WWOX: variants seen among roughly 807,000 people sequenced by gnomAD.
WWOX encodes WW domain containing oxidoreductase, also known as WW domain-containing oxidoreductase.
In WWOX, 69 loss-of-function variants were observed where a neutral mutation model predicts 46.2. The ratio of observed to expected loss-of-function variants is 1.49; its 90% CI spans 1.23 to 1.82. The LOEUF (loss-of-function observed/expected upper bound fraction) is 1.82, where lower values mean the gene tolerates loss of function less well. Among genes scored for constraint, WWOX ranks in the 40% most tolerant of loss-of-function variants. The pLI is 0.00. For missense variants in WWOX, 919 were observed against 542.6 expected, an observed-to-expected ratio of 1.69 and a Z score of -6.89; for synonymous variants, 359 against 202.6, an observed-to-expected ratio of 1.77 and a Z score of -6.56.
intron 8 of WWOX, among the ~76,000 whole-genome samples, chr16:78,595,772 A>T (rs1004356686): frequency 6.6e-6 from 1 of 152,208 alleles, no homozygotes; most frequent in African/African-American, 2.4e-5. Context: ...CCATCATCTC[A>T]AACCTTTATT....
intron 8 of WWOX, among the ~76,000 whole-genome samples, chr16:78,964,438 G>C (rs1208280083): frequency 6.6e-6 from 1 of 152,224 alleles, no homozygotes; most frequent in Non-Finnish European, 1.5e-5. Flanking sequence ...CTGCGCTAGA[G>C]ATTTGTGGAA....
rs995950025 is a variant in WWOX at position 79,005,948 on chromosome 16, G to T, written c.1057-205660G>T. ...CTGGGAGAAACCCATCCATACTCTG[G>T]TTACCCACTGGCCATTCCTGGGGAC... On this transcript the variant is annotated intron_variant, in intron 8 of 8. Coordinates refer to ENST00000566780, the MANE Select transcript of WWOX (RefSeq NM_016373.4). Among the ~76,000 whole-genome samples, 138 of 152,254 alleles carry T rather than the reference G, an allele frequency of 9.1e-4. 1 individual carries two copies. Among genetic ancestry groups the T allele is most frequent in the Admixed American group, 9.0e-3 (137 of 15,284 alleles).
intron 8 of WWOX, among the ~76,000 whole-genome samples, chr16:78,728,954 C>G (rs2048898826): frequency 1.3e-5 from 2 of 152,114 alleles, no homozygotes; most frequent in Non-Finnish European, 2.9e-5. Context: ...TTAGGATGGA[C>G]TTTATTTCCT....
At chr16:79,019,662 G>T (rs1005863149) in intron 8 of WWOX, among the ~76,000 whole-genome samples, 2 of 151,876 alleles carry the variant, frequency 1.3e-5, no homozygotes, top group Non-Finnish European at 2.9e-5. Context: ...GGATAAGCAA[G>T]GGAGACTCCA....
chr16:78,716,068 G>GA (rs112482262), intron 8 of WWOX, among the ~76,000 whole-genome samples: 15 of 148,514 alleles, frequency 1.0e-4, no homozygotes, highest in East Asian at 3.9e-4. Context: ...AAGGAAAGGG[G>GA]AAAAAAAAAA....
At chr16:78,376,307 G>A (rs185987844) in intron 5 of WWOX, among the ~76,000 whole-genome samples, 1 of 152,172 alleles carries the variant, frequency 6.6e-6, no homozygotes, top group Non-Finnish European at 1.5e-5. Flanking sequence ...TTTAATGAAT[G>A]ATTGAACATT....
At chr16:79,131,369 C>T (rs994196172) in intron 8 of WWOX, among the ~76,000 whole-genome samples, 1 of 152,014 alleles carries the variant, frequency 6.6e-6, no homozygotes, top group South Asian at 2.1e-4. Flanking sequence ...GCCTGAAAAG[C>T]AGGAGGCTTT....
chr16:78,363,587 C>G (rs1406896995), intron 5 of WWOX, among the ~76,000 whole-genome samples: 2 of 152,106 alleles, frequency 1.3e-5, no homozygotes, highest in African/African-American at 2.4e-5. Flanking sequence ...CCAGTTTTAA[C>G]TCAGAATGAT....
chr16:78,231,458 C>A (rs1286387404), intron 5 of WWOX, among the ~76,000 whole-genome samples: 1 of 152,158 alleles, frequency 6.6e-6, no homozygotes, highest in African/African-American at 2.4e-5. Context: ...TCTCAGGTGG[C>A]CATCGAAAAT....
chr16:79,121,568 T>G (rs892605345), intron 8 of WWOX, among the ~76,000 whole-genome samples: 1 of 152,058 alleles, frequency 6.6e-6, no homozygotes, highest in Non-Finnish European at 1.5e-5. Context: ...AGGCCTGCAG[T>G]TGAATAACAA....
At chr16:78,564,910 G>A (rs2044528230) in intron 8 of WWOX, among the ~76,000 whole-genome samples, 1 of 151,342 alleles carries the variant, frequency 6.6e-6, no homozygotes, top group East Asian at 1.9e-4. Context: ...TTTATATGCA[G>A]TTTGTATTTA....
At chr16:78,825,088 C>G (rs138302459) in intron 8 of WWOX, among the ~76,000 whole-genome samples, 50 of 152,266 alleles carry the variant, frequency 3.3e-4, no homozygotes, top group Middle Eastern at 3.4e-3. Context: ...AACTCCACTT[C>G]ATAAATGAGG....
intron 3 of WWOX, among the ~76,000 whole-genome samples, chr16:78,112,645 C>G (rs765696860): frequency 2.0e-5 from 3 of 149,072 alleles, no homozygotes; most frequent in Non-Finnish European, 4.4e-5. Context: ...GGTATCAACG[C>G]ATTGGTTGTA....
intron 8 of WWOX, among the ~76,000 whole-genome samples, chr16:78,678,330 C>G (rs1041841221): frequency 2.0e-5 from 3 of 152,130 alleles, no homozygotes; most frequent in Non-Finnish European, 4.4e-5. Context: ...AGGGTATGAG[C>G]GGGCCACTGC....
intron 8 of WWOX, among the ~76,000 whole-genome samples, chr16:79,066,908 T>C (rs571855972): frequency 1.3e-5 from 2 of 152,302 alleles, no homozygotes; most frequent in South Asian, 4.1e-4. Context: ...GTAGCTACCA[T>C]TGCAGTCGAA....
intron 8 of WWOX, among the ~76,000 whole-genome samples, chr16:78,665,172 G>C (rs1276307827): frequency 6.6e-6 from 1 of 152,146 alleles, no homozygotes; most frequent in Non-Finnish European, 1.5e-5. Context: ...CTGGAGTAGG[G>C]AGCTGTGATG....
intron 8 of WWOX, among the ~76,000 whole-genome samples, chr16:78,536,698 G>A (rs1048391829): frequency 6.6e-5 from 10 of 152,106 alleles, no homozygotes; most frequent in Non-Finnish European, 1.2e-4. Context: ...GGTCTCTGAT[G>A]CTGATCATGA....
chr16:78,849,601 C>T (rs2052391158), intron 8 of WWOX, among the ~76,000 whole-genome samples: 1 of 143,838 alleles, frequency 7.0e-6, no homozygotes. Flanking sequence ...AAGAAAACAA[C>T]TACAACCACA....
intron 8 of WWOX, among the ~76,000 whole-genome samples, chr16:78,609,671 T>C (rs970687526): frequency 6.6e-6 from 1 of 152,128 alleles, no homozygotes; most frequent in Admixed American, 6.5e-5. Flanking sequence ...TCTTTGGACA[T>C]CTACTCCAAG....
Sources: gnomAD v4.1 joint callset for allele counts (sites outside exome capture counted in the v4.1 genomes callset) on GRCh38, gnomAD v4.1.1 for gene constraint, MANE v1.5 for transcripts, NCBI Gene and HGNC (gene_info 2026-07-23, HGNC 2026-07-21) for gene names.